ASIC2: variants seen among roughly 807,000 people sequenced by gnomAD.
ASIC2 encodes the protein acid sensing ion channel subunit 2.
A neutral mutation model predicts 57.3 loss-of-function variants in ASIC2; 25 were observed. The ratio of observed to expected loss-of-function variants is 0.44; its 90% CI spans 0.32 to 0.61. ASIC2 has a LOEUF of 0.61. Among genes scored for constraint, ASIC2 ranks in the 20% least tolerant of loss-of-function variants. ASIC2 has a pLI of 0.06. For synonymous variants in ASIC2, 319 were observed against 307.5 expected, an observed-to-expected ratio of 1.04 and a Z score of -0.39; for missense variants, 641 against 738.1, an observed-to-expected ratio of 0.87 and a Z score of 1.52.
chr17:33,058,843 A>G (rs1280066076), intron 3 of ASIC2, among the ~76,000 whole-genome samples: 1 of 152,214 alleles, frequency 6.6e-6, no homozygotes, highest in Non-Finnish European at 1.5e-5. Flanking sequence ...AAAGATGTTC[A>G]GCAGAATATT....
At chr17:33,929,646 C>T (rs1022149704) in intron 1 of ASIC2, among the ~76,000 whole-genome samples, 37 of 152,198 alleles carry the variant, frequency 2.4e-4, no homozygotes, top group African/African-American at 8.4e-4. Flanking sequence ...ACAGGAAGTG[C>T]CCTTTGTCCT....
intron 1 of ASIC2, among the ~76,000 whole-genome samples, chr17:33,232,541 T>G (rs998473452): frequency 6.6e-6 from 1 of 151,780 alleles, no homozygotes; most frequent in Non-Finnish European, 1.5e-5. Flanking sequence ...AAGACACACC[T>G]CAAACATTTA....
chr17:33,691,414 A>G (rs1908364591), intron 1 of ASIC2, among the ~76,000 whole-genome samples: 1 of 152,210 alleles, frequency 6.6e-6, no homozygotes, highest in Admixed American at 6.5e-5. Flanking sequence ...TTGCTTTGCC[A>G]GTGTGATAGG....
At chr17:33,974,029 T>C (rs1222953774) in intron 1 of ASIC2, among the ~76,000 whole-genome samples, 1 of 152,162 alleles carries the variant, frequency 6.6e-6, no homozygotes, top group Non-Finnish European at 1.5e-5. Flanking sequence ...CCTGCCTTTT[T>C]CCGTCCACTA....
intron 1 of ASIC2, among the ~76,000 whole-genome samples, chr17:33,496,987 G>A (rs1254578325): frequency 1.3e-5 from 2 of 152,130 alleles, no homozygotes; most frequent in African/African-American, 4.8e-5. Flanking sequence ...ATAGCTGTTT[G>A]TTTACCATGG....
At chr17:34,119,005 G>A (rs1911512884) in intron 1 of ASIC2, 1 of 152,200 alleles carries the variant, frequency 6.6e-6, no homozygotes, top group African/African-American at 2.4e-5. Flanking sequence ...TTGGAGGCCA[G>A]GAAAGTGTGG....
intron 1 of ASIC2, among the ~76,000 whole-genome samples, chr17:34,029,407 A>G (rs1907506159): frequency 6.6e-6 from 1 of 152,086 alleles, no homozygotes; most frequent in East Asian, 1.9e-4. Context: ...GTAAAATTTA[A>G]AAAAAGACTC....
At chr17:33,339,653 G>T (rs1243213838) in intron 1 of ASIC2, among the ~76,000 whole-genome samples, 5 of 152,186 alleles carry the variant, frequency 3.3e-5, no homozygotes, top group Non-Finnish European at 5.9e-5. Context: ...CTTCCCTCAT[G>T]CCAGGCAGTG....
chr17:33,302,794 G>C (rs1906013300), intron 1 of ASIC2, among the ~76,000 whole-genome samples: 1 of 152,148 alleles, frequency 6.6e-6, no homozygotes, highest in Non-Finnish European at 1.5e-5. Flanking sequence ...GCAGGGGAGG[G>C]AAGGAAGTTA....
At chr17:33,927,661 C>A (rs575959675) in intron 1 of ASIC2, among the ~76,000 whole-genome samples, 128 of 152,136 alleles carry the variant, frequency 8.4e-4, no homozygotes, top group Non-Finnish European at 1.5e-3. Flanking sequence ...AGAATTAAGA[C>A]ACTATTATTT....
chr17:33,980,384 A>C (rs1905570310), intron 1 of ASIC2, among the ~76,000 whole-genome samples: 1 of 152,184 alleles, frequency 6.6e-6, no homozygotes, highest in South Asian at 2.1e-4. Context: ...ATGAGCTTAG[A>C]CACTTAGACA....
At chr17:33,961,668 G>T (rs543533455) in intron 1 of ASIC2, among the ~76,000 whole-genome samples, 2 of 152,324 alleles carry the variant, frequency 1.3e-5, no homozygotes, top group South Asian at 4.1e-4. Flanking sequence ...GGTGATGATT[G>T]CTCAGACCAA....
At chr17:33,325,066 C>T (rs925534805) in intron 1 of ASIC2, among the ~76,000 whole-genome samples, 5 of 152,158 alleles carry the variant, frequency 3.3e-5, no homozygotes, top group Non-Finnish European at 5.9e-5. Flanking sequence ...TTTCCATCAT[C>T]AGGCACGTAT....
At chr17:33,158,319 C>T (rs1905067728) in intron 1 of ASIC2, among the ~76,000 whole-genome samples, 1 of 152,154 alleles carries the variant, frequency 6.6e-6, no homozygotes, top group South Asian at 2.1e-4. Flanking sequence ...CCTGCCACCC[C>T]CTCAAGGGAA....
intron 1 of ASIC2, among the ~76,000 whole-genome samples, chr17:34,121,332 C>A (rs1157291218): frequency 1.3e-5 from 2 of 152,104 alleles, no homozygotes; most frequent in Non-Finnish European, 2.9e-5. Flanking sequence ...ATGAATGCAC[C>A]CACTATCCTT....
chr17:33,101,852 GT>G (rs550300144), intron 2 of ASIC2, among the ~76,000 whole-genome samples: 56 of 150,628 alleles, frequency 3.7e-4, no homozygotes, highest in South Asian at 3.6e-3. Context: ...TGTTTTTCCT[GT>G]TTTTTTTTCC....
At chr17:33,590,425 G>C (rs1438300484) in intron 1 of ASIC2, among the ~76,000 whole-genome samples, 1 of 152,110 alleles carries the variant, frequency 6.6e-6, no homozygotes, top group Non-Finnish European at 1.5e-5. Flanking sequence ...CCAGCCCCCT[G>C]CACAGGTACT....
intron 1 of ASIC2, among the ~76,000 whole-genome samples, chr17:34,104,531 T>C: frequency 6.6e-6 from 1 of 152,124 alleles, no homozygotes; most frequent in African/African-American, 2.4e-5. Context: ...CTGGCCTTTT[T>C]TTTCTGATCT....
chr17:33,526,566 C>T (rs1178234407), intron 1 of ASIC2, among the ~76,000 whole-genome samples: 2 of 152,184 alleles, frequency 1.3e-5, no homozygotes, highest in East Asian at 3.9e-4. Flanking sequence ...TAGCTCAAAC[C>T]TATGCCCAAC....
Sources: allele counts gnomAD v4.1 joint callset (sites outside exome capture counted in the v4.1 genomes callset), GRCh38; gene constraint gnomAD v4.1.1; transcripts MANE v1.5; gene names NCBI Gene and HGNC (gene_info 2026-07-23, HGNC 2026-07-21).